Variants in GABRG3 observed in about 807,000 individuals in gnomAD.
The protein encoded by GABRG3 is gamma-aminobutyric acid receptor subunit gamma-3.
A neutral mutation model predicts 48.8 loss-of-function variants in GABRG3; 25 were observed. That is an observed-to-expected ratio of 0.51 (90% CI 0.37 to 0.72). GABRG3 has a LOEUF of 0.72. Ranked by LOEUF, GABRG3 falls within the 30% of genes least tolerant of loss-of-function variation. GABRG3 has a pLI of 0.00. For synonymous variants in GABRG3, 227 were observed against 217.6 expected (o/e 1.04, Z -0.38); for missense variants, 394 against 577.9 (o/e 0.68, Z 3.26).
At chr15:27,023,363 G>A (rs985875528) in intron 2 of GABRG3, among the ~76,000 whole-genome samples, 1 of 152,134 alleles carries the variant, frequency 6.6e-6, no homozygotes, top group East Asian at 1.9e-4. Flanking sequence ...ACAGTTGAGT[G>A]GCAGTAGGTC....
chr15:27,105,362 C>G (rs1897431474), intron 3 of GABRG3, among the ~76,000 whole-genome samples: 1 of 152,022 alleles, frequency 6.6e-6, no homozygotes, highest in South Asian at 2.1e-4. Flanking sequence ...GTATACACTT[C>G]CTGAATTGTC....
chr15:27,365,928 T>C (rs898740926), intron 5 of GABRG3: 3 of 152,224 alleles, frequency 2.0e-5, no homozygotes, highest in African/African-American at 4.8e-5. Flanking sequence ...TTTTAATTGA[T>C]TTATAGGGCT....
chr15:27,221,555 C>T (rs1889454601), intron 3 of GABRG3, among the ~76,000 whole-genome samples: 1 of 152,078 alleles, frequency 6.6e-6, no homozygotes, highest in Non-Finnish European at 1.5e-5. Context: ...GGTGGTCTCT[C>T]AGAGAGACCC....
At chr15:27,169,784 A>T (rs1271064008) in intron 3 of GABRG3, among the ~76,000 whole-genome samples, 2 of 152,182 alleles carry the variant, frequency 1.3e-5, no homozygotes, top group Non-Finnish European at 2.9e-5. Context: ...TTACTGAAAG[A>T]CAAAGAAAAA....
At chr15:27,474,638 G>A (rs540061849) in intron 5 of GABRG3, among the ~76,000 whole-genome samples, 1 of 152,246 alleles carries the variant, frequency 6.6e-6, no homozygotes, top group East Asian at 1.9e-4. Context: ...TCAAGAGTAG[G>A]AAGTGTTTTA....
At chr15:27,313,252 GTGTGTGTGTGTATATA>G (rs1893066387) in intron 3 of GABRG3, among the ~76,000 whole-genome samples, 2 of 60,814 alleles carry the variant, frequency 3.3e-5, no homozygotes, top group African/African-American at 1.4e-4. Flanking sequence ...GTGTGTGTGT[GTGTGTGTGTGTATATA>G]TATATATATA....
intron 3 of GABRG3, among the ~76,000 whole-genome samples, chr15:27,174,090 G>A (rs1230820861): frequency 2.0e-5 from 3 of 151,342 alleles, no homozygotes; most frequent in African/African-American, 7.3e-5. Flanking sequence ...TAAAAAATAC[G>A]GACTTAAAAA....
At chr15:27,525,629 C>A (rs907871560) in intron 7 of GABRG3, among the ~76,000 whole-genome samples, 4 of 152,164 alleles carry the variant, frequency 2.6e-5, no homozygotes, top group African/African-American at 4.8e-5. Flanking sequence ...AAATTACAGA[C>A]ACAAACAGTT....
chr15:27,305,081 G>A (rs1320815583), intron 3 of GABRG3, among the ~76,000 whole-genome samples: 5 of 151,696 alleles, frequency 3.3e-5, no homozygotes, highest in African/African-American at 1.2e-4. Flanking sequence ...TGACTTTTAG[G>A]TTTTTAATAC....
rs1043939504 is a variant in GABRG3 at position 26,976,499 on chromosome 15, C to A, written c.54-503C>A. Among the ~76,000 whole-genome samples the A allele has an allele frequency of 1.3e-5, 2 of 152,152 alleles. No individual in the cohort carries two copies. Among genetic ancestry groups the A allele is most frequent in the African/African-American group, 4.8e-5 (2 of 41,424 alleles). ...AGTGCCTAGACCCCCAGATTCCCGCCTCCAAGAGAAGCACTGAGTCAGACT... is the reference window on the plus strand; with the variant it reads ...AGTGCCTAGACCCCCAGATTCCCGCATCCAAGAGAAGCACTGAGTCAGACT... On this transcript the variant is annotated intron_variant, in intron 1 of 9. Transcript: ENST00000615808. This position sits in a 1 kb window ranked among gnomAD's most constrained non-coding sequence, Gnocchi z 7.8.
intron 3 of GABRG3, among the ~76,000 whole-genome samples, chr15:27,278,507 C>T (rs899514587): frequency 1.3e-5 from 2 of 152,186 alleles, no homozygotes; most frequent in African/African-American, 4.8e-5. Flanking sequence ...CCGGACACCA[C>T]TAATGTGTGC....
Position 26,971,420 on chromosome 15 carries a change from G to T in GABRG3, c.-116G>T, listed in dbSNP as rs1308867798. The T allele has an allele frequency of 6.2e-6, 5 of 812,694 alleles. No individual in the cohort carries two copies. The East Asian group carries it at 1.7e-4, about 28-fold the overall frequency. 50.3% of individuals were successfully genotyped at this position (812,694 alleles called of 1,614,324 possible). ...AGTAGATACCTGTCCCGCCCGCCGC[G>T]GCCAGCAGCCTCGGAGGAAGCCAGG... On this transcript the variant is annotated 5_prime_UTR_variant, in exon 1 of 10. Coordinates refer to ENST00000615808, the MANE Select transcript of GABRG3 (RefSeq NM_033223.5).
chr15:27,303,148 C>A (rs1892269644), intron 3 of GABRG3, among the ~76,000 whole-genome samples: 3 of 150,728 alleles, frequency 2.0e-5, no homozygotes, highest in Non-Finnish European at 4.4e-5. Flanking sequence ...AATTGAAAAC[C>A]AAGAACAGTA....
In GABRG3 at chr15:27,009,113, A is replaced by C. The variant is rs557954657; in HGVS notation, c.203-17641A>C. ...CTGGAAGACACTGCGTCCCCAGCTC[A>C]CTCTTCAGCTGCCCTGAGCATCGAC... is the stretch of plus-strand genomic sequence containing the variant. On this transcript the variant is annotated intron_variant, in intron 2 of 9. Coordinates refer to ENST00000615808, the MANE Select transcript of GABRG3 (RefSeq NM_033223.5). 2.6e-5 allele frequency among the ~76,000 whole-genome samples: 4 copies of C among 152,020 alleles called. No individual in the cohort carries two copies. In the East Asian group the frequency reaches 7.8e-4, roughly 30 times the overall value.
chr15:27,066,778 C>A (rs1320345511), intron 3 of GABRG3, among the ~76,000 whole-genome samples: 1 of 152,122 alleles, frequency 6.6e-6, no homozygotes, highest in African/African-American at 2.4e-5. Flanking sequence ...TTGCATGCTT[C>A]CAGAATAATC....
intron 3 of GABRG3, among the ~76,000 whole-genome samples, chr15:27,212,143 C>T (rs1321556210): frequency 1.3e-5 from 2 of 152,128 alleles, no homozygotes; most frequent in African/African-American, 4.8e-5. Flanking sequence ...CTAGAGAAAA[C>T]AAATCAGTGT....
At position 26,971,432 on chromosome 15, in the gene GABRG3, C is replaced by T; in HGVS notation, c.-104C>T. The T allele has an allele frequency of 2.1e-6, 2 of 962,608 alleles. No homozygotes were observed. The highest frequency in any genetic ancestry group is 2.3e-5 in the South Asian group (1 of 44,276). The allele number at this position is 962,608 out of a possible 1,614,324, so 59.6% of individuals were successfully genotyped here. On this transcript the variant is annotated 5_prime_UTR_variant, in exon 1 of 10. Transcript: ENST00000615808. Reference sequence around the variant, plus strand: ...TCCCGCCCGCCGCGGCCAGCAGCCTCGGAGGAAGCCAGGGCAAAGAGGGCC... The same window carrying T: ...TCCCGCCCGCCGCGGCCAGCAGCCTTGGAGGAAGCCAGGGCAAAGAGGGCC...
chr15:27,243,468 C>T (rs914775621), intron 3 of GABRG3, among the ~76,000 whole-genome samples: 3 of 151,932 alleles, frequency 2.0e-5, no homozygotes, highest in African/African-American at 7.3e-5. Flanking sequence ...TTGCAGGGGA[C>T]GCTGGAGGCA....
intron 2 of GABRG3, among the ~76,000 whole-genome samples, chr15:26,985,256 G>C (rs989118678): frequency 6.6e-6 from 1 of 152,150 alleles, no homozygotes; most frequent in African/African-American, 2.4e-5. Flanking sequence ...CAGCTTTCCA[G>C]GCTGGACATG....
Sources: gnomAD v4.1 joint callset for allele counts (sites outside exome capture counted in the v4.1 genomes callset) on GRCh38, gnomAD v4.1.1 for gene constraint, Gnocchi (gnomAD v3.1) non-coding constraint, MANE v1.5 for transcripts, NCBI Gene and HGNC (gene_info 2026-07-23, HGNC 2026-07-21) for gene names.